The following KIAA1217 variants were observed in gnomAD, a reference collection of about 807,000 sequenced individuals.
KIAA1217 encodes the protein sickle tail protein homolog.
Under a neutral mutation model 163.9 loss-of-function variants are expected in KIAA1217, and 88 were observed. The ratio of observed to expected loss-of-function variants is 0.54; its 90% CI spans 0.45 to 0.64. The LOEUF is 0.64. Among genes scored for constraint, KIAA1217 ranks in the 30% least tolerant of loss-of-function variants. KIAA1217 has a pLI of 0.00. For missense variants in KIAA1217, 2,372 were observed against 2,475.0 expected (o/e 0.96, Z 0.88); for synonymous variants, 903 against 923.1 (o/e 0.98, Z 0.39).
intron 1 of KIAA1217, among the ~76,000 whole-genome samples, chr10:23,872,182 C>T (rs1221231010): frequency 6.6e-6 from 1 of 151,910 alleles, no homozygotes; most frequent in Non-Finnish European, 1.5e-5. Flanking sequence ...CTGGGAAAGA[C>T]AAGACAAGTA....
chr10:24,108,568 G>T (rs1299584261), intron 2 of KIAA1217, among the ~76,000 whole-genome samples: 1 of 152,162 alleles, frequency 6.6e-6, no homozygotes, highest in Non-Finnish European at 1.5e-5. Context: ...ATGAGGATCA[G>T]GAGTCATCTT....
rs2053223209 is a variant in KIAA1217 at position 24,381,027 on chromosome 10, T to C, written c.513T>C (p.Pro171=). ...SRGSRTRASL[P]VVRSTNQTKE... is the part of the protein sequence containing the mutation. ...GCAGCCGGACTCGTGCGAGCCTTCC[T>C]GTGGTGAGGTCAACCAACCAGACGA... Residue 171 remains proline, a synonymous_variant, in exon 3 of 21, where the codon CCT becomes CCC. Transcript: ENST00000376454. The C allele has an allele frequency of 6.2e-7, 1 of 1,601,242 alleles. No individual in the cohort carries two copies. Among genetic ancestry groups the C allele is most frequent in the Non-Finnish European group, 8.5e-7 (1 of 1,172,632 alleles).
At chr10:24,052,094 T>C (rs1849557757) in intron 2 of KIAA1217, among the ~76,000 whole-genome samples, 1 of 152,180 alleles carries the variant, frequency 6.6e-6, no homozygotes, top group African/African-American at 2.4e-5. Context: ...CTACCTGCAC[T>C]CCTATTTTCT....
chr10:24,272,659 T>G (rs1281221740), intron 2 of KIAA1217, among the ~76,000 whole-genome samples: 1 of 152,244 alleles, frequency 6.6e-6, no homozygotes, highest in African/African-American at 2.4e-5. Flanking sequence ...CATGGATTTA[T>G]TTAATAACTG....
intron 2 of KIAA1217, among the ~76,000 whole-genome samples, chr10:24,045,006 C>A (rs1368057091): frequency 6.6e-6 from 1 of 152,066 alleles, no homozygotes; most frequent in African/African-American, 2.4e-5. Flanking sequence ...AAGCACATTC[C>A]CAATAAGCTT....
intron 1 of KIAA1217, among the ~76,000 whole-genome samples, chr10:23,991,680 A>G (rs142918343): frequency 1.3e-5 from 2 of 152,356 alleles, no homozygotes; most frequent in African/African-American, 4.8e-5. Context: ...CATTTCACGT[A>G]TATGATATAT....
intron 2 of KIAA1217, among the ~76,000 whole-genome samples, chr10:24,228,909 C>T (rs1415940414): frequency 1.3e-5 from 2 of 152,186 alleles, no homozygotes; most frequent in African/African-American, 2.4e-5. Flanking sequence ...TAAGTAATGG[C>T]ATCTATGTCT....
At chr10:23,794,701 T>C (rs988446956) in intron 1 of KIAA1217, among the ~76,000 whole-genome samples, 7 of 152,222 alleles carry the variant, frequency 4.6e-5, no homozygotes, top group Non-Finnish European at 7.3e-5. Flanking sequence ...AAACCTAACC[T>C]CTATGAAGTC....
chr10:24,103,359 G>A (rs184571198), intron 2 of KIAA1217, among the ~76,000 whole-genome samples: 350 of 152,190 alleles, frequency 2.3e-3, no homozygotes, highest in African/African-American at 8.1e-3. Flanking sequence ...TGACTTATTA[G>A]ATACAAGAAA....
chr10:24,421,233 G>A lies in KIAA1217; in HGVS notation c.554-11762G>A, dbSNP rs181835460. Among the ~76,000 whole-genome samples the A allele has an allele frequency of 3.7e-3, 566 of 152,182 alleles. 2 individuals carry two copies. Among genetic ancestry groups the A allele is most frequent in the Non-Finnish European group, 4.1e-3 (276 of 68,002 alleles). ...GTTGGTCAGGCTGGTCTCAAGCTAC[G>A]GACCTCAGGTGATCCACCCACCTCA... On this transcript the variant is annotated intron_variant, in intron 3 of 20. Transcript: ENST00000376454.
intron 6 of KIAA1217, among the ~76,000 whole-genome samples, chr10:24,477,062 T>C (rs1191842161): frequency 6.6e-6 from 1 of 152,204 alleles, no homozygotes; most frequent in Non-Finnish European, 1.5e-5. Context: ...GCTTCCCCCA[T>C]TGTTTCTTAC....
chr10:24,546,096 T>G lies in KIAA1217; in HGVS notation c.5604T>G (p.Thr1868=). The change falls in exon 21 of 21, where the codon ACT becomes ACG. Residue 1868 remains threonine (T), a synonymous_variant. Transcript: ENST00000376454. The stretch of plus-strand genomic sequence containing the variant: ...GCTCTTTGAAGTTTCAGAGCCTCAC[T>G]CATACAGGTAAAGGTCACCATCTTT... The part of the protein sequence containing the change: ...SNGSLKFQSL[T]HTGKGHHLSF... The G allele has an allele frequency of 6.2e-7, 1 of 1,614,136 alleles. No individual in the cohort carries two copies. Among genetic ancestry groups the G allele is most frequent in the Admixed American group, 1.7e-5 (1 of 60,024 alleles).
chr10:24,248,670 C>CAAA (rs929995548), intron 2 of KIAA1217, among the ~76,000 whole-genome samples: 937 of 36,424 alleles, frequency 0.026, 100 homozygotes, highest in African/African-American at 0.089. Flanking sequence ...GACTCCATCT[C>CAAA]AAAAAAAAAA....
Position 24,278,816 on chromosome 10 carries a change from C to T in KIAA1217, c.354+58907C>T, listed in dbSNP as rs575127206. ...GAGTTAAAGTTGCTAACTGTGAAGACTGAGTAATTTGAATCTGCTGTTGGT... is the reference window on the plus strand; with the variant it reads ...GAGTTAAAGTTGCTAACTGTGAAGATTGAGTAATTTGAATCTGCTGTTGGT... On this transcript the variant is annotated intron_variant, in intron 2 of 20. Coordinates refer to ENST00000376454, the MANE Select transcript of KIAA1217 (RefSeq NM_019590.5). Among the ~76,000 whole-genome samples the T allele has an allele frequency of 6.0e-5, 9 of 150,820 alleles. No individual in the cohort carries two copies. In the South Asian group the frequency reaches 1.3e-3, roughly 21 times the overall value.
chr10:24,012,080 C>A (rs1589232128), intron 2 of KIAA1217, among the ~76,000 whole-genome samples: 4 of 152,232 alleles, frequency 2.6e-5, no homozygotes, highest in African/African-American at 9.6e-5. Flanking sequence ...ACTTTGGAAG[C>A]TTATTTCCAT....
intron 1 of KIAA1217, among the ~76,000 whole-genome samples, chr10:23,761,407 C>A (rs955668945): frequency 6.6e-6 from 1 of 152,094 alleles, no homozygotes; most frequent in Non-Finnish European, 1.5e-5. Flanking sequence ...TATAAATTTC[C>A]CTCTTAACAG....
At chr10:24,288,088 A>T (rs2078651804) in intron 2 of KIAA1217, among the ~76,000 whole-genome samples, 1 of 152,100 alleles carries the variant, frequency 6.6e-6, no homozygotes, top group Admixed American at 6.5e-5. Flanking sequence ...GTACTACAGG[A>T]TTTTTTAAAA....
At chr10:24,037,462 C>T (rs1050364623) in intron 2 of KIAA1217, among the ~76,000 whole-genome samples, 1 of 152,152 alleles carries the variant, frequency 6.6e-6, no homozygotes, top group Non-Finnish European at 1.5e-5. Context: ...TGCACTCTGG[C>T]CTGGGCAATA....
At chr10:24,378,354 T>G (rs908743795) in intron 2 of KIAA1217, among the ~76,000 whole-genome samples, 2 of 152,000 alleles carry the variant, frequency 1.3e-5, no homozygotes, top group Admixed American at 1.3e-4. Flanking sequence ...AGGCTGGGAG[T>G]GGGTAGCCCT....
Sources: gnomAD v4.1 joint callset for allele counts (sites outside exome capture counted in the v4.1 genomes callset) on GRCh38, gnomAD v4.1.1 for gene constraint, MANE v1.5 for transcripts, NCBI Gene and HGNC (gene_info 2026-07-23, HGNC 2026-07-21) for gene names.